The following HDAC1 variants were observed in gnomAD, a reference collection of about 807,000 sequenced individuals.
HDAC1 encodes the protein histone deacetylase 1.
In HDAC1, 18 loss-of-function variants were observed where a neutral mutation model predicts 65.5. The observed-to-expected ratio is 0.27, with a 90% CI of 0.19 to 0.41. The LOEUF (loss-of-function observed/expected upper bound fraction) is 0.41. Among genes scored for constraint, HDAC1 ranks in the 10% least tolerant of loss-of-function variants. HDAC1 has a pLI of 1.00. For missense variants in HDAC1, 373 were observed against 625.2 expected (o/e 0.60, Z 4.30); for synonymous variants, 211 against 227.9 (o/e 0.93, Z 0.67).
intron 12 of HDAC1, 32 bp downstream of exon 12, chr1:32,332,274 C>T (rs768823802): frequency 4.4e-6 from 7 of 1,591,862 alleles, no homozygotes; most frequent in East Asian, 4.5e-5. Context: ...ACTTGGGTCT[C>T]GAGCCTGAGA....
chr1:32,318,063 G>T (rs889125719), intron 3 of HDAC1, among the ~76,000 whole-genome samples: 1 of 152,114 alleles, frequency 6.6e-6, no homozygotes, highest in Non-Finnish European at 1.5e-5. Context: ...GGCTTCAAGC[G>T]ATTATCCTGC....
intron 1 of HDAC1, among the ~76,000 whole-genome samples, chr1:32,301,634 G>A (rs1000337342): frequency 2.0e-5 from 3 of 151,816 alleles, no homozygotes; most frequent in Admixed American, 6.6e-5. Context: ...GCCAGGCATG[G>A]TAGCACATGC....
At chr1:32,307,703 A>G (rs1008639303) in intron 2 of HDAC1, among the ~76,000 whole-genome samples, 2 of 152,244 alleles carry the variant, frequency 1.3e-5, no homozygotes, top group East Asian at 1.9e-4. Context: ...TGTAGAAACC[A>G]AAACTGAGGA....
chr1:32,319,824 G>A (rs1291520824), intron 3 of HDAC1, among the ~76,000 whole-genome samples: 15 of 152,094 alleles, frequency 9.9e-5, no homozygotes, highest in Admixed American at 9.8e-4. Context: ...GAGGCAGGAG[G>A]ATCCCTTGAG....
At position 32,329,041 on chromosome 1, in the gene HDAC1, T is replaced by G. The variant is rs763660467; in HGVS notation, c.637-27T>G. On this transcript the variant is annotated intron_variant, in intron 6 of 13. Transcript: ENST00000373548. The surrounding 1 kb of genome is among the most constrained non-coding windows in gnomAD (Gnocchi z 4.1). ...CCTTCCTTCAAGCTTCATCCTTCAG[T>G]TTTACTTTAATGGCCTTTTTAATTA... The G allele has an allele frequency of 2.2e-5, 30 of 1,383,316 alleles. No individual in the cohort carries two copies. The highest frequency in any genetic ancestry group is 2.7e-5 in the Non-Finnish European group (26 of 970,142). 85.7% of individuals were successfully genotyped at this position (1,383,316 alleles called of 1,614,324 possible). A position where few individuals can be genotyped will look rare whatever the true frequency, so the allele number is the denominator to read the frequency against.
At chr1:32,308,994 T>C (rs540831730) in intron 2 of HDAC1, among the ~76,000 whole-genome samples, 2 of 152,278 alleles carry the variant, frequency 1.3e-5, no homozygotes, top group South Asian at 2.1e-4. Context: ...GTATTTTTTA[T>C]AGAGATGGGG....
At chr1:32,302,526 A>G in intron 1 of HDAC1, 95 bp from the exon 2 acceptor site, 1 of 677,310 alleles carries the variant, frequency 1.5e-6, no homozygotes, top group South Asian at 1.6e-5. Context: ...TGAGCCAGAA[A>G]GAATTTGACT....
chr1:32,327,468 GAGC>G lies in HDAC1; in HGVS notation c.495-67_495-65del. 8.3e-7 allele frequency: 1 copy of G among 1,210,292 alleles called. No individual in the cohort carries two copies. The highest frequency in any genetic ancestry group is 1.3e-5 in the South Asian group (1 of 79,374). 75.0% of individuals were successfully genotyped at this position (1,210,292 alleles called of 1,614,324 possible). On this transcript the variant is annotated intron_variant, in intron 5 of 13. Coordinates refer to ENST00000373548, the MANE Select transcript of HDAC1 (RefSeq NM_004964.3). This position sits in a 1 kb window ranked among gnomAD's most constrained non-coding sequence, Gnocchi z 6.0. ...GGAGGCAGCCAGCCCGGTAAGCTGG[GAGC>G]TAGCGCCCTTGGCACGTCCCATCCC...
At chr1:32,308,443 C>A (rs1048800284) in intron 2 of HDAC1, among the ~76,000 whole-genome samples, 1 of 152,124 alleles carries the variant, frequency 6.6e-6, no homozygotes, top group Non-Finnish European at 1.5e-5. Flanking sequence ...AGAAATAGGA[C>A]CAATTAGGAG....
chr1:32,329,509 G>T lies in HDAC1; in HGVS notation c.729+349G>T. 1 of 363,306 alleles carries T rather than the reference G, an allele frequency of 2.8e-6. No homozygotes were observed. Among genetic ancestry groups the T allele is most frequent in the Non-Finnish European group, 5.2e-6 (1 of 194,108 alleles). The allele number at this position is 363,306 out of a possible 1,614,324, so 22.5% of individuals were successfully genotyped here. A position where few individuals can be genotyped will look rare whatever the true frequency, so the allele number is the denominator to read the frequency against. ...TGCTGGGAGATTATTGTGTTCTTTT[G>T]GTAGTGGTATGTCTCCTTGGTTTTT... is the stretch of plus-strand genomic sequence containing the variant. On this transcript the variant is annotated intron_variant, in intron 7 of 13. Transcript: ENST00000373548. This position sits in a 1 kb window ranked among gnomAD's most constrained non-coding sequence, Gnocchi z 4.1.
intron 2 of HDAC1, among the ~76,000 whole-genome samples, chr1:32,313,171 A>G (rs752753716): frequency 4.0e-4 from 60 of 151,418 alleles, no homozygotes; most frequent in East Asian, 9.8e-4. Flanking sequence ...TCTCAGCTCA[A>G]TGCAGCCTCT....
chr1:32,301,520 G>A (rs111778803), intron 1 of HDAC1, among the ~76,000 whole-genome samples: 11,235 of 150,458 alleles, frequency 0.075, 1,369 homozygotes, highest in African/African-American at 0.26. Context: ...CTGTAATCCC[G>A]GCACTTTGGG....
Position 32,327,783 on chromosome 1 carries a change from C to A in HDAC1, c.636+106C>A. 1.1e-6 allele frequency: 1 copy of A among 885,106 alleles called. No individual in the cohort carries two copies. Among genetic ancestry groups the A allele is most frequent in the Non-Finnish European group, 1.9e-6 (1 of 536,580 alleles). The allele number at this position is 885,106 out of a possible 1,614,324, so 54.8% of individuals were successfully genotyped here. ...ATTGCTTCTTGCCTCTTCTGCCAAT[C>A]AGAATACCACATCCCAATCTGAAGC... On this transcript the variant is annotated intron_variant, in intron 6 of 13. Transcript: ENST00000373548. The surrounding 1 kb of genome is among the most constrained non-coding windows in gnomAD (Gnocchi z 6.0).
intron 2 of HDAC1, among the ~76,000 whole-genome samples, chr1:32,313,138 C>A (rs1427762611): frequency 6.6e-6 from 1 of 151,568 alleles, no homozygotes; most frequent in African/African-American, 2.4e-5. Context: ...CTTTGTTGCC[C>A]AGGCTGGAAC....
At chr1:32,326,473 G>A (rs529017242) in intron 4 of HDAC1, among the ~76,000 whole-genome samples, 27 of 152,052 alleles carry the variant, frequency 1.8e-4, no homozygotes, top group African/African-American at 6.0e-4. Context: ...CCTATCTTTG[G>A]TATTTTTTCA....
intron 1 of HDAC1, among the ~76,000 whole-genome samples, chr1:32,299,128 T>G (rs1640811221): frequency 1.3e-5 from 2 of 152,304 alleles, no homozygotes; most frequent in South Asian, 4.1e-4. Flanking sequence ...TCATAAAGGA[T>G]GCAGTCACCC....
chr1:32,295,410 AAAAG>A (rs764986733), intron 1 of HDAC1, among the ~76,000 whole-genome samples: 4 of 152,096 alleles, frequency 2.6e-5, no homozygotes, highest in Admixed American at 2.6e-4. Context: ...CAAAAAAAAA[AAAAG>A]AACATAAATG....
At chr1:32,296,428 G>A (rs1280800066) in intron 1 of HDAC1, among the ~76,000 whole-genome samples, 3 of 152,156 alleles carry the variant, frequency 2.0e-5, no homozygotes, top group East Asian at 3.9e-4. Context: ...GCAGTGGCAT[G>A]ATCCTGGCTC....
chr1:32,318,131 G>C (rs181569980), intron 3 of HDAC1, among the ~76,000 whole-genome samples: 111 of 152,248 alleles, frequency 7.3e-4, no homozygotes, highest in Non-Finnish European at 8.5e-4. Flanking sequence ...GGCTAATTTT[G>C]TATTTTTAGG....
Sources: gnomAD v4.1 joint callset for allele counts (sites outside exome capture counted in the v4.1 genomes callset) on GRCh38, gnomAD v4.1.1 for gene constraint, Gnocchi (gnomAD v3.1) non-coding constraint, MANE v1.5 for transcripts, NCBI Gene and HGNC (gene_info 2026-07-23, HGNC 2026-07-21) for gene names.